Variants in TUBGCP4 observed in about 807,000 individuals in gnomAD.
The protein encoded by TUBGCP4 is gamma-tubulin complex component 4.
Under a neutral mutation model 91.6 loss-of-function variants are expected in TUBGCP4, and 54 were observed. That is an observed-to-expected ratio of 0.59 (90% CI 0.47 to 0.74). TUBGCP4 has a LOEUF of 0.74. TUBGCP4 is among the 30% of genes least tolerant of loss of function. The pLI is 0.00. For missense variants in TUBGCP4, 593 were observed against 800.9 expected, an observed-to-expected ratio of 0.74 and a Z score of 3.13; for synonymous variants, 297 against 302.8, an observed-to-expected ratio of 0.98 and a Z score of 0.20.
At chr15:43,375,771 A>G (rs921570810) in intron 1 of TUBGCP4, among the ~76,000 whole-genome samples, 13 of 152,158 alleles carry the variant, frequency 8.5e-5, no homozygotes, top group Non-Finnish European at 1.6e-4. Context: ...CAAAACCCCC[A>G]TATCCTTAGA....
At chr15:43,391,768 G>A (rs1233347395) in intron 9 of TUBGCP4, 1 of 151,924 alleles carries the variant, frequency 6.6e-6, no homozygotes, top group African/African-American at 2.4e-5. Context: ...ATATATTTTG[G>A]GGTCAGGCAC....
chr15:43,394,472 T>A (rs2044546213), intron 9 of TUBGCP4: 1 of 152,166 alleles, frequency 6.6e-6, no homozygotes, highest in Admixed American at 6.5e-5. Flanking sequence ...GGATCATGTT[T>A]TTGGTGTTAT....
At chr15:43,378,639 T>C (rs2044241999) in intron 5 of TUBGCP4, among the ~76,000 whole-genome samples, 1 of 152,252 alleles carries the variant, frequency 6.6e-6, no homozygotes, top group African/African-American at 2.4e-5. Flanking sequence ...TGTGTAAGTG[T>C]AGAAACAGTG....
rs767979467 is a variant in TUBGCP4, at chr15:43,376,996, C to G, written c.331-18C>G. On this transcript the variant is annotated intron_variant, in intron 3 of 17. Coordinates refer to ENST00000564079, the MANE Select transcript of TUBGCP4 (RefSeq NM_014444.5). ...GATATTTTGTGTGGAGCTCTAATCA[C>G]AAAGTTTTTTATTGCAGTTCCTGGG... 1.2e-6 allele frequency: 2 copies of G among 1,608,576 alleles called. No individual in the cohort carries two copies. The highest frequency in any genetic ancestry group is 1.7e-6 in the Non-Finnish European group (2 of 1,175,236).
In TUBGCP4 at chr15:43,376,203, T is replaced by A. The variant is rs1425252499; in HGVS notation, c.184T>A (p.Tyr62Asn). 8.7e-6 allele frequency: 14 copies of A among 1,613,988 alleles called. No homozygotes were observed. The highest frequency in any genetic ancestry group is 1.2e-5 in the Non-Finnish European group (14 of 1,180,008). ...YIRFTEFIEQ[Y>N]TGHVQQQDHH... is the part of the protein sequence containing the mutation. ...TCGCTTCACTGAGTTCATTGAACAG[T>A]ACACGGGCCATGTGCAACAGCAGGT... The change falls in exon 2 of 18, where the codon TAC (tyrosine) becomes AAC (asparagine). Residue 62 changes from tyrosine to asparagine, a missense_variant. Tyr to Asn is a moderately radical substitution (Grantham distance 143). Transcript: ENST00000564079.
intron 12 of TUBGCP4, among the ~76,000 whole-genome samples, 167 bp from the exon 13 acceptor site, chr15:43,397,874 G>A (rs2044607850): frequency 6.6e-6 from 1 of 152,120 alleles, no homozygotes. Context: ...ACCATGCCCA[G>A]CTAATTTATG....
chr15:43,400,203 T>C lies in TUBGCP4; in HGVS notation c.1578T>C (p.Asn526=), dbSNP rs1275473721. Reference sequence around the variant, plus strand: ...ATCACATGGCATTTTTGGTGGATAATCTTCAGTACTATCTCCAGGTCTGTG... The same window carrying C: ...ATCACATGGCATTTTTGGTGGATAACCTTCAGTACTATCTCCAGGTCTGTG... ...LRNHMAFLVD[N]LQYYLQVDVL... is the part of the protein sequence containing the mutation. The change falls in exon 14 of 18, where the codon AAT becomes AAC. Residue 526 remains asparagine (N), a synonymous_variant. Transcript: ENST00000564079. 1 of 1,614,070 alleles carries C rather than the reference T, an allele frequency of 6.2e-7. No homozygotes were observed. The highest frequency in any genetic ancestry group is 8.5e-7 in the Non-Finnish European group (1 of 1,180,000).
In TUBGCP4 at chr15:43,371,334, G is replaced by A; in HGVS notation, c.-21G>A. On this transcript the variant is annotated 5_prime_UTR_variant, in exon 1 of 18. Coordinates refer to ENST00000564079, the MANE Select transcript of TUBGCP4 (RefSeq NM_014444.5). The stretch of plus-strand genomic sequence containing the variant: ...TGGAGGAGGGGGTGACATAACCAGG[G>A]ACTCGAGGTCCGCCGTGGGAATGAT... The A allele has an allele frequency of 1.9e-6, 3 of 1,612,220 alleles. No homozygotes were observed. The highest frequency in any genetic ancestry group is 1.1e-5 in the South Asian group (1 of 90,494).
intron 1 of TUBGCP4, among the ~76,000 whole-genome samples, chr15:43,373,089 A>C (rs2044149287): frequency 6.6e-6 from 1 of 152,244 alleles, no homozygotes; most frequent in Admixed American, 6.5e-5. Context: ...GCCAAGTGTT[A>C]ATGAAAATTA....
chr15:43,409,325 G>A lies in TUBGCP4; in HGVS notation c.*4111G>A, dbSNP rs1038432733. The A allele has an allele frequency of 1.2e-5, 7 of 586,258 alleles. No individual in the cohort carries two copies. The highest frequency in any genetic ancestry group is 3.0e-5 in the Admixed American group (1 of 33,604). The allele number at this position is 586,258 out of a possible 1,614,324, so 36.3% of individuals were successfully genotyped here. On this transcript the variant is annotated 3_prime_UTR_variant, in exon 18 of 18. Coordinates refer to ENST00000564079, the MANE Select transcript of TUBGCP4 (RefSeq NM_014444.5). ...CATACTGAGGACCTAAATCCTCAAC[G>A]GACAACCAAAACCTATGAACTCAGC...
intron 15 of TUBGCP4, 81 bp downstream of exon 15, chr15:43,401,931 A>C (rs889539231): frequency 4.7e-5 from 71 of 1,518,934 alleles, no homozygotes; most frequent in Non-Finnish European, 6.2e-5. Context: ...CAGGATACGA[A>C]ACCATCATTA....
chr15:43,386,038 C>A, intron 8 of TUBGCP4, 82 bp downstream of exon 8: 1 of 1,558,706 alleles, frequency 6.4e-7, no homozygotes, highest in South Asian at 1.2e-5. Context: ...CATGCCTGGT[C>A]AGAGCGAGTG....
In TUBGCP4 at chr15:43,404,459, T is replaced by C; in HGVS notation, c.1895T>C (p.Val632Ala). ...CTCCTGTTCAAGATTCTCTCCAGTG[T>C]TCGGAATCATCAGATCAACTCAGAT... ...SSLLFKILSS[V>A]RNHQINSDLA... The change falls in exon 17 of 18, where the codon GTT (valine) becomes GCT (alanine). Residue 632 changes from valine (V) to alanine (A), a missense_variant. Transcript: ENST00000564079. The C allele has an allele frequency of 6.2e-7, 1 of 1,614,192 alleles. No homozygotes were observed. Among genetic ancestry groups the C allele is most frequent in the Admixed American group, 1.7e-5 (1 of 60,024 alleles).
intron 7 of TUBGCP4, among the ~76,000 whole-genome samples, chr15:43,385,174 C>T (rs2044336352): frequency 6.6e-6 from 1 of 152,158 alleles, no homozygotes; most frequent in Non-Finnish European, 1.5e-5. Context: ...CATGAGAGCA[C>T]TCCAGCTTAC....
At chr15:43,401,523 G>T (rs543950979) in intron 14 of TUBGCP4, among the ~76,000 whole-genome samples, 193 bp from the exon 15 acceptor site, 1 of 151,982 alleles carries the variant, frequency 6.6e-6, no homozygotes, top group East Asian at 1.9e-4. Flanking sequence ...TGGAGGGAGG[G>T]GGTTCAGAAT....
Position 43,407,687 on chromosome 15 carries a change from T to C in TUBGCP4, c.*2473T>C. ...CTCTGCACAAACCAAAGCCCTATTA[T>C]GTCAAACACACTGCTACTGATCATG... On this transcript the variant is annotated 3_prime_UTR_variant, in exon 18 of 18. Transcript: ENST00000564079. 2.0e-6 allele frequency: 2 copies of C among 998,234 alleles called. No homozygotes were observed. Among genetic ancestry groups the C allele is most frequent in the South Asian group, 3.4e-5 (2 of 58,732 alleles). The allele number at this position is 998,234 out of a possible 1,614,324, so 61.8% of individuals were successfully genotyped here.
At chr15:43,393,283 T>C (rs549885262) in intron 9 of TUBGCP4, among the ~76,000 whole-genome samples, 4 of 151,084 alleles carry the variant, frequency 2.6e-5, no homozygotes, top group African/African-American at 9.7e-5. Flanking sequence ...GGTCTCTGCT[T>C]ACTGCAACCT....
chr15:43,397,170 A>T (rs146310897), intron 11 of TUBGCP4, 44 bp from the exon 12 acceptor site: 34 of 1,468,960 alleles, frequency 2.3e-5, no homozygotes, highest in East Asian at 1.8e-4. Flanking sequence ...TGGGTTTGTT[A>T]TGTAGCCAAG....
intron 9 of TUBGCP4, among the ~76,000 whole-genome samples, chr15:43,390,515 C>CTTTTTTTTTTTTTTT (rs201543896): frequency 1.5e-5 from 2 of 137,040 alleles, no homozygotes; most frequent in African/African-American, 5.4e-5. Flanking sequence ...TTTCTTTTTT[C>CTTTTTTTTTTTTTTT]TTTTTTTTTT....
Sources: gnomAD v4.1 joint callset for allele counts (sites outside exome capture counted in the v4.1 genomes callset) on GRCh38, gnomAD v4.1.1 for gene constraint, MANE v1.5 for transcripts, NCBI Gene and HGNC (gene_info 2026-07-23, HGNC 2026-07-21) for gene names.